The following AGAP1 variants were observed in gnomAD, a reference collection of about 807,000 sequenced individuals.
AGAP1 encodes arf-GAP with GTPase, ANK repeat and PH domain-containing protein 1.
A neutral mutation model predicts 105.3 loss-of-function variants in AGAP1; 29 were observed. The observed-to-expected ratio is 0.28, with a 90% confidence interval of 0.21 to 0.38. The LOEUF (loss-of-function observed/expected upper bound fraction) is 0.38, where lower values mean the gene tolerates loss of function less well. Among genes scored for constraint, AGAP1 ranks in the 10% least tolerant of loss-of-function variants. AGAP1 has a pLI of 1.00. For synonymous variants in AGAP1, 509 were observed against 485.9 expected (o/e 1.05, Z -0.63); for missense variants, 998 against 1,165.1 (o/e 0.86, Z 2.09).
chr2:235,698,840 T>C (rs989675208), intron 1 of AGAP1, among the ~76,000 whole-genome samples: 4 of 152,232 alleles, frequency 2.6e-5, no homozygotes, highest in African/African-American at 9.6e-5. Context: ...TTTAAATTTT[T>C]ATTGCTCTTC....
rs374398361 is a variant in AGAP1 at position 235,557,522 on chromosome 2, G to C, written c.163+62673G>C. On this transcript the variant is annotated intron_variant, in intron 1 of 17. Coordinates refer to ENST00000304032, the MANE Select transcript of AGAP1 (RefSeq NM_001037131.3). This position sits in a 1 kb window ranked among gnomAD's most constrained non-coding sequence, Gnocchi z 4.7. ...TATATAAAGAGAACTTATAAAAAAT[G>C]GAAAATGAGAAACGATGATGTCAGT... Among the ~76,000 whole-genome samples, 7 of 152,230 alleles carry C rather than the reference G, an allele frequency of 4.6e-5. No individual in the cohort carries two copies. In the East Asian group the frequency reaches 9.7e-4, roughly 21 times the overall value.
chr2:235,767,954 T>C (rs976214886), intron 6 of AGAP1, among the ~76,000 whole-genome samples: 3 of 152,020 alleles, frequency 2.0e-5, no homozygotes, highest in African/African-American at 7.2e-5. Context: ...GCCCGGCTAA[T>C]TTCTGTATTT....
intron 16 of AGAP1, among the ~76,000 whole-genome samples, chr2:236,111,505 A>G (rs561212068): frequency 9.3e-5 from 14 of 151,240 alleles, no homozygotes; most frequent in South Asian, 4.2e-4. Flanking sequence ...TAAAAAAAAA[A>G]AGAGAGAGAA....
chr2:235,580,357 G>A (rs577881110), intron 1 of AGAP1, among the ~76,000 whole-genome samples: 8 of 151,908 alleles, frequency 5.3e-5, no homozygotes, highest in Admixed American at 1.3e-4. Flanking sequence ...GAATGAAGAC[G>A]TGCCGGCCGC....
Position 235,751,953 on chromosome 2 carries a change from AACCTCAT to A in AGAP1, c.673+1466_673+1472del, listed in dbSNP as rs1953478980. ...TCGGGAGAATGTCCTGTGGGGAGTA[AACCTCAT>A]TTCAAGCCGTGCTGGTGAACATGAG... On this transcript the variant is annotated intron_variant, in intron 6 of 17. Coordinates refer to ENST00000304032, the MANE Select transcript of AGAP1 (RefSeq NM_001037131.3). This position sits in a 1 kb window ranked among gnomAD's most constrained non-coding sequence, Gnocchi z 5.3. 6.6e-6 allele frequency among the ~76,000 whole-genome samples: 1 copy of A among 152,174 alleles called. No individual in the cohort carries two copies. The highest frequency in any genetic ancestry group is 2.4e-5 in the African/African-American group (1 of 41,450).
intron 16 of AGAP1, among the ~76,000 whole-genome samples, chr2:236,074,351 G>A (rs1247350307): frequency 6.6e-6 from 1 of 152,176 alleles, no homozygotes; most frequent in Non-Finnish European, 1.5e-5. Context: ...AAAAGCTTTA[G>A]CCATTTCTTT....
intron 6 of AGAP1, among the ~76,000 whole-genome samples, chr2:235,770,115 T>C (rs1407636594): frequency 7.0e-6 from 1 of 143,024 alleles, no homozygotes; most frequent in Non-Finnish European, 1.6e-5. Context: ...ACACACACAT[T>C]TTTTTCTTTC....
chr2:235,617,012 C>T (rs1220853703), intron 1 of AGAP1, among the ~76,000 whole-genome samples: 3 of 151,442 alleles, frequency 2.0e-5, no homozygotes, highest in African/African-American at 7.3e-5. Flanking sequence ...GTCACATCAG[C>T]TCTCTAGGGA....
chr2:235,749,559 T>C, intron 5 of AGAP1, among the ~76,000 whole-genome samples: 1 of 151,350 alleles, frequency 6.6e-6, no homozygotes, highest in Non-Finnish European at 1.5e-5. Flanking sequence ...CACACCTCCC[T>C]CCCACCCCTC....
intron 1 of AGAP1, among the ~76,000 whole-genome samples, chr2:235,514,563 C>A (rs957073128): frequency 5.3e-5 from 8 of 152,256 alleles, no homozygotes; most frequent in Non-Finnish European, 1.2e-4. Flanking sequence ...GTTTGGATCA[C>A]CTGAGTCCTG....
At chr2:235,873,942 T>C (rs1222024832) in intron 9 of AGAP1, among the ~76,000 whole-genome samples, 1 of 152,222 alleles carries the variant, frequency 6.6e-6, no homozygotes, top group Admixed American at 6.5e-5. Context: ...TTGCCCAGGC[T>C]GGTCTCAAAC....
intron 15 of AGAP1, among the ~76,000 whole-genome samples, chr2:236,048,157 G>T (rs1035718103): frequency 6.6e-6 from 1 of 152,194 alleles, no homozygotes; most frequent in African/African-American, 2.4e-5. Flanking sequence ...TTACTTAACA[G>T]TGGTGAAAGC....
chr2:235,941,679 C>T (rs1045963223), intron 12 of AGAP1, among the ~76,000 whole-genome samples: 5 of 152,158 alleles, frequency 3.3e-5, no homozygotes, highest in Admixed American at 2.0e-4. Context: ...ATATAACTAG[C>T]GCTTTATCGT....
chr2:236,106,545 C>T (rs1243127437), intron 16 of AGAP1, among the ~76,000 whole-genome samples: 3 of 152,224 alleles, frequency 2.0e-5, no homozygotes, highest in Admixed American at 6.5e-5. Context: ...TGAAAAGCTT[C>T]GAGAAGGGTG....
chr2:235,524,297 A>AGAT (rs1269418579), intron 1 of AGAP1: 1 of 167,660 alleles, frequency 6.0e-6, no homozygotes, highest in African/African-American at 2.4e-5. Context: ...ACTGTGGCCC[A>AGAT]GATGTAACTT....
intron 16 of AGAP1, among the ~76,000 whole-genome samples, chr2:236,068,157 A>T (rs1184661230): frequency 6.6e-6 from 1 of 152,140 alleles, no homozygotes; most frequent in Non-Finnish European, 1.5e-5. Flanking sequence ...CTGTAATCCC[A>T]GCTACTCGGA....
rs996642565 is a variant in AGAP1 at position 236,123,022 on chromosome 2, G to A, written c.2371-897G>A. Reference sequence around the variant, plus strand: ...TACAAAGTGTGCACAGTTGAGGGGAGAGTTCTGAATTCTGTTCATGTGGTG... The same window carrying A: ...TACAAAGTGTGCACAGTTGAGGGGAAAGTTCTGAATTCTGTTCATGTGGTG... On this transcript the variant is annotated intron_variant, in intron 17 of 17. Transcript: ENST00000304032. The surrounding 1 kb of genome is among the most constrained non-coding windows in gnomAD (Gnocchi z 4.6). 2.0e-5 allele frequency among the ~76,000 whole-genome samples: 3 copies of A among 152,094 alleles called. No individual in the cohort carries two copies. The highest frequency in any genetic ancestry group is 4.4e-5 in the Non-Finnish European group (3 of 68,032).
intron 16 of AGAP1, among the ~76,000 whole-genome samples, chr2:236,067,965 T>C (rs770563172): frequency 6.6e-6 from 1 of 151,924 alleles, no homozygotes; most frequent in Non-Finnish European, 1.5e-5. Context: ...TAAGACAGAG[T>C]GGCTCTTACT....
chr2:235,789,095 A>T lies in AGAP1; in HGVS notation c.674-8664A>T, dbSNP rs1956821161. ...AGGGATGTGTGTTTCCTGCAGCGTG[A>T]TTTGAAGTCCCCTTTACCACAAATA... On this transcript the variant is annotated intron_variant, in intron 6 of 17. Transcript: ENST00000304032. This position sits in a 1 kb window ranked among gnomAD's most constrained non-coding sequence, Gnocchi z 4.2. 6.6e-6 allele frequency among the ~76,000 whole-genome samples: 1 copy of T among 152,220 alleles called. No individual in the cohort carries two copies. Among genetic ancestry groups the T allele is most frequent in the Non-Finnish European group, 1.5e-5 (1 of 68,048 alleles).
Sources: gnomAD v4.1 joint callset for allele counts (sites outside exome capture counted in the v4.1 genomes callset) on GRCh38, gnomAD v4.1.1 for gene constraint, Gnocchi (gnomAD v3.1) non-coding constraint, MANE v1.5 for transcripts, NCBI Gene and HGNC (gene_info 2026-07-23, HGNC 2026-07-21) for gene names.